KCNC4: variants seen among roughly 807,000 people sequenced by gnomAD.
KCNC4 encodes the protein voltage-gated potassium channel KCNC4.
KCNC4 carries 23 observed loss-of-function variants against 42.8 expected under a neutral mutation model. That is an observed-to-expected ratio of 0.54 (90% CI 0.39 to 0.76). The LOEUF (loss-of-function observed/expected upper bound fraction) is 0.76. Among genes scored for constraint, KCNC4 ranks in the 30% least tolerant of loss-of-function variants. KCNC4 has a pLI of 0.00. For missense variants in KCNC4, 751 were observed against 898.2 expected (o/e 0.84, Z 2.10); for synonymous variants, 422 against 393.5 (o/e 1.07, Z -0.86).
intron 3 of KCNC4, among the ~76,000 whole-genome samples, chr1:110,227,423 CA>C (rs1441553260): frequency 6.6e-6 from 1 of 152,206 alleles, no homozygotes; most frequent in Non-Finnish European, 1.5e-5. Context: ...CTTTGTTGGG[CA>C]TGTGTTCTGT....
intron 1 of KCNC4, among the ~76,000 whole-genome samples, chr1:110,217,188 T>C (rs1222294485): frequency 6.6e-6 from 1 of 151,944 alleles, no homozygotes; most frequent in Non-Finnish European, 1.5e-5. Context: ...ACAAGACGGA[T>C]CATGAGAGGT....
intron 3 of KCNC4, among the ~76,000 whole-genome samples, chr1:110,227,288 C>T (rs1458693680): frequency 6.6e-6 from 1 of 152,200 alleles, no homozygotes; most frequent in Non-Finnish European, 1.5e-5. Context: ...GTCCCGTGGC[C>T]TGCCAGCCCA....
At chr1:110,225,162 C>T (rs765407782) in intron 2 of KCNC4, 1 of 152,248 alleles carries the variant, frequency 6.6e-6, no homozygotes, top group African/African-American at 2.4e-5. Context: ...ACGTAGAAGT[C>T]CTTAGGTCAG....
At chr1:110,215,225 C>T (rs930081942) in intron 1 of KCNC4, among the ~76,000 whole-genome samples, 3 of 152,234 alleles carry the variant, frequency 2.0e-5, no homozygotes, top group Non-Finnish European at 4.4e-5. Context: ...GGAGCTGTTC[C>T]GCTCAGGCAG....
At chr1:110,275,229 T>C (rs372951538) in intron 1 of KCNC4, among the ~76,000 whole-genome samples, 3 of 151,874 alleles carry the variant, frequency 2.0e-5, no homozygotes, top group African/African-American at 4.8e-5. Context: ...AAAGAAGACA[T>C]ACAAATGGCC....
At chr1:110,234,261 C>T (rs1374367635), downstream of KCNC4, 1 of 152,196 alleles carries the variant, frequency 6.6e-6, no homozygotes, top group African/African-American at 2.4e-5. Context: ...CCCAGGACCC[C>T]GAGACCCAAA....
At chr1:110,252,446 C>T (rs1284912173), downstream of KCNC4, among the ~76,000 whole-genome samples, 1 of 152,110 alleles carries the variant, frequency 6.6e-6, no homozygotes, top group East Asian at 1.9e-4. Flanking sequence ...GGTTAACTCA[C>T]TGGCTCAGGC....
At chr1:110,225,258 C>G (rs1176392942) in intron 2 of KCNC4, 1 of 152,270 alleles carries the variant, frequency 6.6e-6, no homozygotes. Context: ...CATGCCTGGC[C>G]AATGGCAGGG....
chr1:110,248,452 T>A (rs1316237701), exon 4 of KCNC4: 4 of 96,078 alleles, frequency 4.2e-5, no homozygotes, highest in Non-Finnish European at 1.2e-4. Context: ...TTTTTGTTTT[T>A]GTTTTTTTTT....
At chr1:110,266,640 G>A (rs916075689) in intron 1 of KCNC4, among the ~76,000 whole-genome samples, 7 of 152,184 alleles carry the variant, frequency 4.6e-5, no homozygotes, top group African/African-American at 1.7e-4. Context: ...AAGTGGCAGG[G>A]CTGGGATTTG....
intron 1 of KCNC4, among the ~76,000 whole-genome samples, chr1:110,276,709 G>A (rs1659732797): frequency 6.6e-6 from 1 of 152,096 alleles, no homozygotes; most frequent in Non-Finnish European, 1.5e-5. Context: ...GTCCTATAGG[G>A]CATCTAAATG....
In KCNC4 at chr1:110,211,709, C is replaced by T. The variant is rs2100976046; in HGVS notation, c.210C>T (p.Gly70=). 1 of 1,608,232 alleles carries T rather than the reference C, an allele frequency of 6.2e-7. No homozygotes were observed. The highest frequency in any genetic ancestry group is 1.3e-5 in the African/African-American group (1 of 74,928). The change falls in exon 1 of 4, where the codon GGC becomes GGT. Residue 70 remains glycine, a synonymous_variant. Coordinates refer to ENST00000438661, the MANE Select transcript of KCNC4 (RefSeq NM_001039574.3). The surrounding 1 kb of genome is among the most constrained non-coding windows in gnomAD (Gnocchi z 6.5). The part of the protein sequence containing the change: ...TRLAWLADPD[G]GGRPETDGGG... ...TCGCCTGGCTGGCCGACCCCGACGG[C>T]GGGGGCCGGCCCGAGACCGATGGCG...
intron 3 of KCNC4, among the ~76,000 whole-genome samples, chr1:110,227,974 G>A (rs1392759894): frequency 6.6e-6 from 1 of 152,162 alleles, no homozygotes; most frequent in Non-Finnish European, 1.5e-5. Flanking sequence ...ACTGCTTCTT[G>A]GCAACAGGCA....
At chr1:110,253,583 C>G (rs994205129), downstream of KCNC4, among the ~76,000 whole-genome samples, 7 of 152,196 alleles carry the variant, frequency 4.6e-5, no homozygotes, top group Non-Finnish European at 1.0e-4. Flanking sequence ...AGTGCTGTAG[C>G]TAAGGTCAGT....
chr1:110,282,516 T>C (rs927505111), intron 1 of KCNC4: 1 of 152,304 alleles, frequency 6.6e-6, no homozygotes, highest in African/African-American at 2.4e-5. Context: ...AAGCCTGTTA[T>C]TTTTGCACCC....
chr1:110,225,889 A>G, intron 2 of KCNC4, 86 bp from the exon 3 acceptor site: 1 of 1,278,720 alleles, frequency 7.8e-7, no homozygotes, highest in Non-Finnish European at 1.1e-6. Context: ...AGGAAGTAAC[A>G]CTCTGGGTCT....
At chr1:110,226,412 C>T in intron 3 of KCNC4, 1 of 572,170 alleles carries the variant, frequency 1.7e-6, no homozygotes, top group Non-Finnish European at 3.2e-6. Flanking sequence ...TGGGAAAGAG[C>T]AGCGCTAGAG....
downstream of KCNC4, among the ~76,000 whole-genome samples, chr1:110,254,097 G>C (rs982764864): frequency 6.6e-5 from 9 of 135,672 alleles, 1 homozygote; most frequent in Admixed American, 1.4e-4. Context: ...AGTCGGGGGG[G>C]GGGCGGCGTT....
downstream of KCNC4, chr1:110,236,854 A>G (rs1312314734): frequency 6.6e-6 from 1 of 152,202 alleles, no homozygotes; most frequent in African/African-American, 2.4e-5. Context: ...CTCTGATTGC[A>G]GAGAGCAGAT....
Sources: allele counts gnomAD v4.1 joint callset (sites outside exome capture counted in the v4.1 genomes callset), GRCh38; gene constraint gnomAD v4.1.1; non-coding constraint Gnocchi (gnomAD v3.1); transcripts MANE v1.5; gene names NCBI Gene and HGNC (gene_info 2026-07-23, HGNC 2026-07-21).